Variants in ITPR3 observed in about 807,000 individuals in gnomAD.
ITPR3 encodes the protein inositol 1,4,5-trisphosphate receptor type 3.
Under a neutral mutation model 293.2 loss-of-function variants are expected in ITPR3, and 173 were observed. That is an observed-to-expected ratio of 0.59 (90% CI 0.52 to 0.67). ITPR3 has a LOEUF of 0.67. ITPR3 is among the 30% of genes least tolerant of loss of function. The probability of loss-of-function intolerance (pLI) is 0.00; values close to 1 mark genes in which losing one functional copy is unlikely to be tolerated. For synonymous variants in ITPR3, 1,295 were observed against 1,444.4 expected (o/e 0.90, Z 2.35); for missense variants, 2,796 against 3,592.1 (o/e 0.78, Z 5.66).
At chr6:33,690,803 C>A in intron 51 of ITPR3, 114 bp from the exon 52 acceptor site, 1 of 949,624 alleles carries the variant, frequency 1.1e-6, no homozygotes, top group Non-Finnish European at 1.6e-6. Flanking sequence ...CCTGGAGGAG[C>A]CTTGGGAAAC....
In ITPR3 at chr6:33,690,983, C is replaced by T. The variant is rs1453966869; in HGVS notation, c.7099C>T (p.Arg2367Cys). The T allele has an allele frequency of 1.1e-5, 17 of 1,614,066 alleles. No individual in the cohort carries two copies. Among genetic ancestry groups the T allele is most frequent in the Middle Eastern group, 1.6e-4 (1 of 6,084 alleles). The change falls in exon 52 of 58, where the codon CGC becomes TGC. Residue 2367 changes from arginine to cysteine, a missense_variant. By Grantham distance (180) the Arg-to-Cys change is radical (BLOSUM62 -3). This residue lies in a region of ITPR3 where 568 missense variants were observed against 796.1 expected (regional missense o/e 0.71). Transcript: ENST00000605930. Reference sequence around the variant, plus strand: ...CATCAAGAGTGTGACCCGCAATGGCCGCTCCATCCTGCTGACAGCCCTGCT... The same window carrying T: ...CATCAAGAGTGTGACCCGCAATGGCTGCTCCATCCTGCTGACAGCCCTGCT... ...NVIKSVTRNG[R>C]SILLTALLAL... is the part of the protein sequence containing the mutation.
intron 41 of ITPR3, 69 bp from the exon 42 acceptor site, chr6:33,685,983 CG>C: frequency 6.4e-6 from 10 of 1,567,430 alleles, no homozygotes; most frequent in Non-Finnish European, 8.7e-6. Context: ...CACACAAGAT[CG>C]TGCTTCCCAG....
Position 33,685,759 on chromosome 6 carries a change from G to A in ITPR3, c.5599G>A (p.Val1867Met), listed in dbSNP as rs530888502. The A allele has an allele frequency of 4.7e-5, 75 of 1,604,608 alleles. No homozygotes were observed. In the East Asian group the frequency reaches 1.7e-3, roughly 36 times the overall value. ...RVQSSEMGTS[V>M]LIMQPILRFL... ...GCAGAGCAGTGAGATGGGCACATCC[G>A]TGCTCATCATGCAGCCCATCCTGCG... The change falls in exon 41 of 58, where the codon GTG (valine) becomes ATG (methionine). Residue 1867 changes from valine to methionine, a missense_variant. By Grantham distance (21) the Val-to-Met change is conservative. Coordinates refer to ENST00000605930, the MANE Select transcript of ITPR3 (RefSeq NM_002224.4).
chr6:33,662,928 C>A lies in ITPR3; in HGVS notation c.876C>A (p.Pro292=). 1 of 1,600,672 alleles carries A rather than the reference C, an allele frequency of 6.2e-7. No individual in the cohort carries two copies. Among genetic ancestry groups the A allele is most frequent in the East Asian group, 2.2e-5 (1 of 44,456 alleles). Residue 292 remains proline (P), a synonymous_variant, in exon 9 of 58, where the codon CCC becomes CCA. Coordinates refer to ENST00000605930, the MANE Select transcript of ITPR3 (RefSeq NM_002224.4). The part of the protein sequence containing the change: ...LWEVEVVHHD[P]CRGGAGHWNG... ...GCCCCTAGGTGGTCCACCACGACCC[C>A]TGCCGTGGAGGAGCTGGGCACTGGA...
intron 50 of ITPR3, among the ~76,000 whole-genome samples, chr6:33,689,716 G>A (rs13219530): frequency 0.18 from 27,035 of 152,222 alleles, 2,617 homozygotes; most frequent in Middle Eastern, 0.24. Flanking sequence ...CGCGGCAGAC[G>A]TGAAGATTCA....
intron 56 of ITPR3, 66 bp downstream of exon 56, chr6:33,693,771 C>T: frequency 1.9e-6 from 3 of 1,557,054 alleles, no homozygotes; most frequent in Middle Eastern, 2.0e-4. Flanking sequence ...TCACTGTGCA[C>T]CAGAGGCCTC....
In ITPR3 at chr6:33,673,630, C is replaced by T; in HGVS notation, c.2968C>T (p.Leu990=). The change falls in exon 23 of 58, where the codon CTG becomes TTG. Residue 990 remains leucine (L), a synonymous_variant. Transcript: ENST00000605930. ...NVRLDYRISY[L]LSVFKKEFVE... is the part of the protein sequence containing the mutation. Reference sequence around the variant, plus strand: ...CCGCCTGGATTACCGCATATCCTACCTGCTGTCTGTCTTCAAGAAGGAGTT... The same window carrying T: ...CCGCCTGGATTACCGCATATCCTACTTGCTGTCTGTCTTCAAGAAGGAGTT... 1.2e-6 allele frequency: 2 copies of T among 1,614,214 alleles called. No individual in the cohort carries two copies. The highest frequency in any genetic ancestry group is 2.2e-5 in the East Asian group (1 of 44,882).
In ITPR3 at chr6:33,695,912, C is replaced by G; in HGVS notation, c.*132C>G. The G allele has an allele frequency of 7.8e-6, 6 of 764,896 alleles. No homozygotes were observed. Among genetic ancestry groups the G allele is most frequent in the Non-Finnish European group, 1.3e-5 (6 of 452,410 alleles). The allele number at this position is 764,896 out of a possible 1,614,324, so 47.4% of individuals were successfully genotyped here. A position where few individuals can be genotyped will look rare whatever the true frequency, so the allele number is the denominator to read the frequency against. On this transcript the variant is annotated 3_prime_UTR_variant, in exon 58 of 58. Coordinates refer to ENST00000605930, the MANE Select transcript of ITPR3 (RefSeq NM_002224.4). ...CTCCACTCCCACTCTGCCAGACACC[C>G]TGACACCCACCCAGGCTTTGAAGAG...
Position 33,633,828 on chromosome 6 carries a change from GGGCGGGCGCGGGGC to G in ITPR3, c.90-6653_90-6640del. 6.9e-6 allele frequency among the ~76,000 whole-genome samples: 1 copy of G among 145,612 alleles called. No individual in the cohort carries two copies. The highest frequency in any genetic ancestry group is 2.1e-4 in the South Asian group (1 of 4,746). On this transcript the variant is annotated intron_variant, in intron 1 of 57. Coordinates refer to ENST00000605930, the MANE Select transcript of ITPR3 (RefSeq NM_002224.4). This position sits in a 1 kb window ranked among gnomAD's most constrained non-coding sequence, Gnocchi z 5.2. ...CCAGGCTGGGGGCGGGGCGGGCGCG[GGGCGGGCGCGGGGC>G]GGGGCCGGGCCGGGCCGGGGCGGGG...
intron 11 of ITPR3, 104 bp downstream of exon 11, chr6:33,663,984 C>A: frequency 2.1e-6 from 3 of 1,406,830 alleles, no homozygotes; most frequent in South Asian, 2.6e-5. Flanking sequence ...CTCCTGCGGT[C>A]CTTTAGCCTC....
intron 2 of ITPR3, among the ~76,000 whole-genome samples, chr6:33,641,113 G>A (rs764896690): frequency 6.6e-6 from 1 of 152,216 alleles, no homozygotes; most frequent in Non-Finnish European, 1.5e-5. Flanking sequence ...AAGTGACTTC[G>A]TTCACGGGAC....
rs934145712 is a variant in ITPR3, at chr6:33,658,301, A to G, written c.369+283A>G. On this transcript the variant is annotated intron_variant, in intron 4 of 57. Coordinates refer to ENST00000605930, the MANE Select transcript of ITPR3 (RefSeq NM_002224.4). This position sits in a 1 kb window ranked among gnomAD's most constrained non-coding sequence, Gnocchi z 6.1. ...TTCAAATCTTGGCTCTGCCACTCCT[A>G]ATGGTGTAACTTGGGCAAGTTACCT... 6.6e-6 allele frequency among the ~76,000 whole-genome samples: 1 copy of G among 152,148 alleles called. No individual in the cohort carries two copies. Among genetic ancestry groups the G allele is most frequent in the Non-Finnish European group, 1.5e-5 (1 of 68,022 alleles).
Position 33,662,313 on chromosome 6 carries a change from G to C in ITPR3, c.712-215G>C, listed in dbSNP as rs111379296. The stretch of plus-strand genomic sequence containing the variant: ...CATGGGAAGGCCTGGGAGAGCTCTG[G>C]ATTTGGGGTCTGGGATGCGGGCTGA... On this transcript the variant is annotated intron_variant, in intron 7 of 57. Transcript: ENST00000605930. 6.5e-3 allele frequency among the ~76,000 whole-genome samples: 996 copies of C among 152,206 alleles called. 11 individuals carry two copies. The highest frequency in any genetic ancestry group is 0.023 in the African/African-American group (950 of 41,520).
rs1418217556 is a variant in ITPR3, at chr6:33,685,528, C to T, written c.5477C>T (p.Thr1826Ile). 3 of 1,613,182 alleles carry T rather than the reference C, an allele frequency of 1.9e-6. No homozygotes were observed. The highest frequency in any genetic ancestry group is 2.2e-5 in the South Asian group (2 of 91,032). ...GACCGCGAGCCAGTCGACCCCACCA[C>T]CAAAGGTCAGGGGTCTGAGGCAGAG... ...HEDREPVDPT[T>I]KGRVASFSIP... The change falls in exon 40 of 58, where the codon ACC becomes ATC. Residue 1826 changes from threonine to isoleucine, a missense_variant. Physicochemically the swap from Thr to Ile is moderately conservative, Grantham distance 89. Transcript: ENST00000605930.
chr6:33,691,143 G>A lies in ITPR3; in HGVS notation c.7225+34G>A. 6.2e-7 allele frequency: 1 copy of A among 1,606,946 alleles called. No homozygotes were observed. The highest frequency in any genetic ancestry group is 1.1e-5 in the South Asian group (1 of 90,792). ...GGCTTCCTCTCCTGGGCAGGTTGTGGGGAATGAGGTTGGGTCTCACAAATG... is the reference window on the plus strand; with the variant it reads ...GGCTTCCTCTCCTGGGCAGGTTGTGAGGAATGAGGTTGGGTCTCACAAATG... On this transcript the variant is annotated intron_variant, in intron 52 of 57. Transcript: ENST00000605930. The surrounding 1 kb of genome is among the most constrained non-coding windows in gnomAD (Gnocchi z 4.9).
At chr6:33,661,946 A>C (rs985007404) in intron 7 of ITPR3, among the ~76,000 whole-genome samples, 1 of 139,766 alleles carries the variant, frequency 7.2e-6, no homozygotes, top group Non-Finnish European at 1.5e-5. Flanking sequence ...CAGTGAGCCA[A>C]GATCGTGCCA....
chr6:33,664,996 G>C lies in ITPR3; in HGVS notation c.1248+27G>C. The stretch of plus-strand genomic sequence containing the variant: ...TGCGTGTCCCTGGGGTGGGGGTGGG[G>C]CTGGGGCCAGGGCCGGAGCTTGTTC... On this transcript the variant is annotated intron_variant, in intron 12 of 57. Coordinates refer to ENST00000605930, the MANE Select transcript of ITPR3 (RefSeq NM_002224.4). This position sits in a 1 kb window ranked among gnomAD's most constrained non-coding sequence, Gnocchi z 4.4. 1 of 1,580,340 alleles carries C rather than the reference G, an allele frequency of 6.3e-7. No individual in the cohort carries two copies. Among genetic ancestry groups the C allele is most frequent in the Non-Finnish European group, 8.7e-7 (1 of 1,149,816 alleles).
intron 50 of ITPR3, 50 bp downstream of exon 50, chr6:33,689,460 G>A: frequency 1.3e-6 from 2 of 1,588,378 alleles, no homozygotes; most frequent in African/African-American, 1.3e-5. Context: ...TGCTCACTGT[G>A]CATTCAGACG....
Position 33,659,482 on chromosome 6 carries a change from G to A in ITPR3, c.644G>A (p.Cys215Tyr). 6.2e-7 allele frequency: 1 copy of A among 1,614,114 alleles called. No homozygotes were observed. The highest frequency in any genetic ancestry group is 8.5e-7 in the Non-Finnish European group (1 of 1,179,978). ...AGCKEVNSVN[C>Y]NTSWKINLFM... ...CTTCCGCAGGTCAATTCTGTGAACTGCAACACCAGCTGGAAGATCAACCTG... is the reference window on the plus strand; with the variant it reads ...CTTCCGCAGGTCAATTCTGTGAACTACAACACCAGCTGGAAGATCAACCTG... Residue 215 changes from cysteine to tyrosine, a missense_variant, in exon 7 of 58, where the codon TGC becomes TAC. By Grantham distance (194) the Cys-to-Tyr change is radical. This residue lies in a region of ITPR3 where 144 missense variants were observed against 230.8 expected (regional missense o/e 0.62). Transcript: ENST00000605930.
Sources: gnomAD v4.1 joint callset for allele counts (sites outside exome capture counted in the v4.1 genomes callset) on GRCh38, gnomAD v4.1.1 for gene constraint, gnomAD v4.1.1 regional missense constraint, Gnocchi (gnomAD v3.1) non-coding constraint, MANE v1.5 for transcripts, NCBI Gene and HGNC (gene_info 2026-07-23, HGNC 2026-07-21) for gene names.